The following MCC variants were observed in gnomAD, a reference collection of about 807,000 sequenced individuals.
MCC encodes the protein colorectal mutant cancer protein.
Under a neutral mutation model 116.2 loss-of-function variants are expected in MCC, and 90 were observed. The ratio of observed to expected loss-of-function variants is 0.77; its 90% CI spans 0.65 to 0.92. The LOEUF (loss-of-function observed/expected upper bound fraction) is 0.92. MCC is among the 40% of genes least tolerant of loss of function. The pLI is 0.00. For missense variants in MCC, 1,516 were observed against 1,312.2 expected, an observed-to-expected ratio of 1.16 and a Z score of -2.40; for synonymous variants, 578 against 510.5, an observed-to-expected ratio of 1.13 and a Z score of -1.78.
intron 3 of MCC, among the ~76,000 whole-genome samples, chr5:113,315,151 G>A (rs954481840): frequency 6.6e-6 from 1 of 152,144 alleles, no homozygotes; most frequent in African/African-American, 2.4e-5. Flanking sequence ...ATTGGCTGAG[G>A]TGCTTTTAAG....
At chr5:113,488,175 G>A (rs1580438106) in intron 1 of MCC, 70 bp downstream of exon 1, 3 of 1,483,538 alleles carry the variant, frequency 2.0e-6, no homozygotes, top group Non-Finnish European at 9.1e-7. Flanking sequence ...CGAGGGGGCA[G>A]AGCAGGGGTC....
intron 2 of MCC, among the ~76,000 whole-genome samples, chr5:113,384,747 G>A (rs1369866448): frequency 6.6e-6 from 1 of 152,170 alleles, no homozygotes; most frequent in Admixed American, 6.5e-5. Flanking sequence ...CTTAGAAAAT[G>A]GAAGAAGCAA....
At chr5:113,376,493 A>G (rs1328372066) in intron 2 of MCC, among the ~76,000 whole-genome samples, 1 of 152,108 alleles carries the variant, frequency 6.6e-6, no homozygotes, top group Non-Finnish European at 1.5e-5. Flanking sequence ...GACATAAAAT[A>G]AAATGTTTAC....
At chr5:113,318,658 C>T (rs1321651659) in intron 3 of MCC, among the ~76,000 whole-genome samples, 2 of 151,570 alleles carry the variant, frequency 1.3e-5, no homozygotes, top group Admixed American at 6.6e-5. Context: ...TAGAGGGGAA[C>T]AACACACACT....
At chr5:113,468,208 C>A (rs1771970865) in intron 1 of MCC, among the ~76,000 whole-genome samples, 1 of 152,152 alleles carries the variant, frequency 6.6e-6, no homozygotes, top group Non-Finnish European at 1.5e-5. Context: ...GCCAGAACTT[C>A]CAACACTATG....
intron 1 of MCC, among the ~76,000 whole-genome samples, chr5:113,401,441 A>C (rs371181590): frequency 6.6e-6 from 1 of 152,224 alleles, no homozygotes; most frequent in Admixed American, 6.5e-5. Context: ...CCAAAGGTGT[A>C]CTTGACCCCT....
chr5:113,212,312 C>G (rs557036767), intron 3 of MCC, among the ~76,000 whole-genome samples: 2 of 152,314 alleles, frequency 1.3e-5, no homozygotes, highest in African/African-American at 4.8e-5. Flanking sequence ...TTCTTGCTCA[C>G]TAATCTTGAA....
At chr5:113,484,226 G>C (rs1161970130) in intron 1 of MCC, among the ~76,000 whole-genome samples, 1 of 152,006 alleles carries the variant, frequency 6.6e-6, no homozygotes, top group Non-Finnish European at 1.5e-5. Flanking sequence ...AAACCCCCAC[G>C]ACACAAGTTT....
At chr5:113,310,585 TTTTG>T (rs1212898541) in intron 3 of MCC, among the ~76,000 whole-genome samples, 2 of 152,230 alleles carry the variant, frequency 1.3e-5, no homozygotes, top group Non-Finnish European at 2.9e-5. Context: ...ATTATTAAGT[TTTTG>T]TTCTGTTTCT....
chr5:113,151,994 G>T (rs1381002794), intron 3 of MCC, among the ~76,000 whole-genome samples: 1 of 152,028 alleles, frequency 6.6e-6, no homozygotes, highest in Non-Finnish European at 1.5e-5. Context: ...CCTCCTCTTT[G>T]CCTCCCCACT....
chr5:113,067,447 C>T (rs1182520793), intron 13 of MCC, among the ~76,000 whole-genome samples: 4 of 152,182 alleles, frequency 2.6e-5, no homozygotes, highest in African/African-American at 7.2e-5. Context: ...CAAGACCAGG[C>T]TGACCAACAT....
chr5:113,431,058 G>C (rs1441907423), intron 1 of MCC, among the ~76,000 whole-genome samples: 4 of 152,112 alleles, frequency 2.6e-5, no homozygotes, highest in Admixed American at 2.6e-4. Context: ...CTCTTAAGAG[G>C]TAGCTATGGT....
intron 1 of MCC, among the ~76,000 whole-genome samples, chr5:113,483,617 C>G (rs187077614): frequency 1.3e-5 from 2 of 152,062 alleles, no homozygotes; most frequent in Admixed American, 1.3e-4. Context: ...GAAAAAATAT[C>G]TTTAATAAAA....
intron 3 of MCC, among the ~76,000 whole-genome samples, chr5:113,243,939 C>G (rs940062615): frequency 3.3e-5 from 5 of 152,220 alleles, no homozygotes; most frequent in African/African-American, 1.2e-4. Flanking sequence ...CGGCTTGAGC[C>G]AGATTCAAAT....
chr5:113,102,853 A>C (rs1032451764), intron 7 of MCC, among the ~76,000 whole-genome samples: 3 of 151,850 alleles, frequency 2.0e-5, no homozygotes, highest in African/African-American at 7.3e-5. Context: ...GCAGTGGCTC[A>C]CGCCTGTAAT....
intron 3 of MCC, among the ~76,000 whole-genome samples, chr5:113,218,883 A>T (rs1294682931): frequency 6.6e-6 from 1 of 152,112 alleles, no homozygotes. Flanking sequence ...GGGACGCATT[A>T]TAAGAATAGC....
intron 3 of MCC, among the ~76,000 whole-genome samples, chr5:113,243,467 T>C (rs1318924906): frequency 6.6e-6 from 1 of 152,172 alleles, no homozygotes; most frequent in African/African-American, 2.4e-5. Context: ...AACAGAGAAC[T>C]CTGTAGTATG....
chr5:113,417,774 C>T (rs1770196187), intron 1 of MCC, among the ~76,000 whole-genome samples: 1 of 151,840 alleles, frequency 6.6e-6, no homozygotes, highest in Non-Finnish European at 1.5e-5. Context: ...ACAAAAAATA[C>T]AAAAATAAGC....
At chr5:113,247,111 T>C (rs1409502235) in intron 3 of MCC, among the ~76,000 whole-genome samples, 1 of 152,240 alleles carries the variant, frequency 6.6e-6, no homozygotes, top group Non-Finnish European at 1.5e-5. Flanking sequence ...TCTTAAGACA[T>C]GACCCCTGCC....
Sources: allele counts gnomAD v4.1 joint callset (sites outside exome capture counted in the v4.1 genomes callset), GRCh38; gene constraint gnomAD v4.1.1; transcripts MANE v1.5; gene names NCBI Gene and HGNC (gene_info 2026-07-23, HGNC 2026-07-21).